The following FBXL2 variants were observed in gnomAD, a reference collection of about 807,000 sequenced individuals.
FBXL2 encodes the protein F-box and leucine rich repeat protein 2.
FBXL2 carries 38 observed loss-of-function variants against 69.2 expected under a neutral mutation model. The observed-to-expected ratio is 0.55, with a 90% CI of 0.42 to 0.72. The LOEUF (loss-of-function observed/expected upper bound fraction) is 0.72, where lower values mean the gene tolerates loss of function less well. Among genes scored for constraint, FBXL2 ranks in the 30% least tolerant of loss-of-function variants. The pLI, the probability that FBXL2 is intolerant of heterozygous loss-of-function variation, is 0.00. For missense variants in FBXL2, 354 were observed against 520.3 expected, an observed-to-expected ratio of 0.68 and a Z score of 3.11; for synonymous variants, 192 against 201.3, an observed-to-expected ratio of 0.95 and a Z score of 0.39.
chr3:33,310,893 G>A (rs1294313058), intron 2 of FBXL2, among the ~76,000 whole-genome samples: 1 of 152,076 alleles, frequency 6.6e-6, no homozygotes, highest in East Asian at 1.9e-4. Context: ...TCCTGCCGCA[G>A]CCTCTTGAGT....
At position 33,367,377 on chromosome 3, in the gene FBXL2, C is replaced by T. The variant is rs146447986; in HGVS notation, c.290+2658C>T. On this transcript the variant is annotated intron_variant, in intron 5 of 14. Coordinates refer to ENST00000484457, the MANE Select transcript of FBXL2 (RefSeq NM_012157.5). ...GATTATAAGCGTGAGCCACCGCACCCGGCCTCAATTTCTTTAATATGTATA... is the reference window on the plus strand; with the variant it reads ...GATTATAAGCGTGAGCCACCGCACCTGGCCTCAATTTCTTTAATATGTATA... 6.0e-3 allele frequency among the ~76,000 whole-genome samples: 914 copies of T among 152,268 alleles called. 3 individuals are homozygous for T. Among genetic ancestry groups the T allele is most frequent in the Non-Finnish European group, 0.01 (689 of 68,024 alleles).
At chr3:33,365,930 GCAAT>G (rs1404880383) in intron 5 of FBXL2, among the ~76,000 whole-genome samples, 1 of 152,086 alleles carries the variant, frequency 6.6e-6, no homozygotes, top group East Asian at 1.9e-4. Context: ...ACAATGTACA[GCAAT>G]CACAGACTTC....
chr3:33,297,969 A>G (rs1285382611), intron 2 of FBXL2: 5 of 521,316 alleles, frequency 9.6e-6, no homozygotes, highest in African/African-American at 5.8e-5. Context: ...TGTGGTAAGT[A>G]TTGTAATAAT....
At chr3:33,392,820 A>G, downstream of FBXL2, 2 of 484,934 alleles carry the variant, frequency 4.1e-6, no homozygotes, top group East Asian at 6.8e-5. Flanking sequence ...GGTCCCTGAG[A>G]GACCTGGTCA....
At chr3:33,371,919 C>T (rs946735245) in intron 5 of FBXL2, among the ~76,000 whole-genome samples, 2 of 152,172 alleles carry the variant, frequency 1.3e-5, no homozygotes, top group Non-Finnish European at 2.9e-5. Context: ...CCCAATGCCC[C>T]AAGAATTGTG....
At chr3:33,396,423 T>C (rs2043998646) in intron 12 of FBXL2, 1 of 583,600 alleles carries the variant, frequency 1.7e-6, no homozygotes, top group Non-Finnish European at 2.9e-6. Flanking sequence ...AATTTACTAA[T>C]AAAAATATAA....
At position 33,304,216 on chromosome 3, in the gene FBXL2, G is replaced by T. The variant is rs563342453; in HGVS notation, c.65+6491G>T. Among the ~76,000 whole-genome samples the T allele has an allele frequency of 2.6e-5, 4 of 152,038 alleles. No homozygotes were observed. The East Asian group carries it at 7.7e-4, about 29-fold the overall frequency. On this transcript the variant is annotated intron_variant, in intron 2 of 14. Transcript: ENST00000484457. ...ACATTTTACCATTGATCCATGCATTGCCCTCTTTTATTCATTTTGTAGTAT... is the reference window on the plus strand; with the variant it reads ...ACATTTTACCATTGATCCATGCATTTCCCTCTTTTATTCATTTTGTAGTAT...
Position 33,373,678 on chromosome 3 carries a change from G to A in FBXL2, c.556G>A (p.Ala186Thr), listed in dbSNP as rs2042445604. 6.2e-7 allele frequency: 1 copy of A among 1,614,064 alleles called. No individual in the cohort carries two copies. The change falls in exon 8 of 15, where the codon GCC becomes ACC. Residue 186 changes from alanine to threonine, a missense_variant. Ala to Thr is a moderately conservative substitution (Grantham distance 58). Coordinates refer to ENST00000484457, the MANE Select transcript of FBXL2 (RefSeq NM_012157.5). ...GGTGCGAGGTTGTCGAGGCCTGAAAGCCCTGCTCCTGAGGGGCTGCACACA... is the reference window on the plus strand; with the variant it reads ...GGTGCGAGGTTGTCGAGGCCTGAAAACCCTGCTCCTGAGGGGCTGCACACA... ...ALVRGCRGLK[A>T]LLLRGCTQLE...
At chr3:33,378,260 C>G in intron 12 of FBXL2, 113 bp downstream of exon 12, 1 of 1,117,188 alleles carries the variant, frequency 9.0e-7, no homozygotes, top group Non-Finnish European at 1.3e-6. Flanking sequence ...CTTGATCAAC[C>G]TCAGTGGCAG....
intron 2 of FBXL2, among the ~76,000 whole-genome samples, chr3:33,313,233 A>G (rs978693220): frequency 6.6e-6 from 1 of 152,134 alleles, no homozygotes; most frequent in East Asian, 1.9e-4. Context: ...CTCGCAAAGA[A>G]ATAGATAATC....
chr3:33,350,026 T>C lies in FBXL2; in HGVS notation c.66-8941T>C, dbSNP rs546144951. ...TGTCCGGGAAATGGAAGCAGAAGAC[T>C]TCCCTAACTCATTCTGGGTGCCCAG... On this transcript the variant is annotated intron_variant, in intron 2 of 14. Coordinates refer to ENST00000484457, the MANE Select transcript of FBXL2 (RefSeq NM_012157.5). 3.9e-5 allele frequency among the ~76,000 whole-genome samples: 6 copies of C among 152,268 alleles called. No individual in the cohort carries two copies. In the East Asian group the frequency reaches 1.2e-3, roughly 29 times the overall value.
the FBXL2 span, chr3:33,409,695 A>T: frequency 6.8e-7 from 1 of 1,479,364 alleles, no homozygotes. Flanking sequence ...ACCACTATAA[A>T]TTCAAGATCC....
chr3:33,400,244 T>C (rs752380867), intron 12 of FBXL2: 2 of 1,601,634 alleles, frequency 1.2e-6, no homozygotes, highest in African/African-American at 1.4e-5. Flanking sequence ...TGAGCAGCCA[T>C]TGCTGTGTTT....
At chr3:33,332,652 T>C (rs2039260683) in intron 2 of FBXL2, among the ~76,000 whole-genome samples, 1 of 152,226 alleles carries the variant, frequency 6.6e-6, no homozygotes. Flanking sequence ...AGTGCACTTA[T>C]TCAGAGCTAA....
intron 2 of FBXL2, among the ~76,000 whole-genome samples, chr3:33,321,948 C>T (rs1321877776): frequency 6.6e-6 from 1 of 151,648 alleles, no homozygotes; most frequent in African/African-American, 2.4e-5. Context: ...ACCACCACTT[C>T]AGAAAACAGT....
At chr3:33,370,707 C>G (rs931402009) in intron 5 of FBXL2, among the ~76,000 whole-genome samples, 1 of 152,110 alleles carries the variant, frequency 6.6e-6, no homozygotes, top group East Asian at 1.9e-4. Context: ...CCTCCACCTC[C>G]TGAGCTCAAG....
At chr3:33,357,619 T>C (rs2041300735) in intron 2 of FBXL2, among the ~76,000 whole-genome samples, 1 of 139,856 alleles carries the variant, frequency 7.2e-6, no homozygotes, top group African/African-American at 2.7e-5. Flanking sequence ...AGGCTCCGCC[T>C]CCCGGGTTCA....
At chr3:33,357,998 A>G (rs1404216276) in intron 2 of FBXL2, among the ~76,000 whole-genome samples, 2 of 152,180 alleles carry the variant, frequency 1.3e-5, no homozygotes, top group East Asian at 3.9e-4. Context: ...TTCATGTTTT[A>G]TGATTCTACT....
chr3:33,278,230 A>G (rs1173590495), intron 1 of FBXL2: 8 of 152,176 alleles, frequency 5.3e-5, no homozygotes, highest in African/African-American at 1.7e-4. Context: ...CGTTTTAAAA[A>G]CGTTGCTCGG....
Sources: allele counts gnomAD v4.1 joint callset (sites outside exome capture counted in the v4.1 genomes callset), GRCh38; gene constraint gnomAD v4.1.1; transcripts MANE v1.5; gene names NCBI Gene and HGNC (gene_info 2026-07-23, HGNC 2026-07-21).